ANGPT1: variants seen among roughly 807,000 people sequenced by gnomAD.
ANGPT1 encodes the protein angiopoietin 1, also known as angiopoietin-1.
Under a neutral mutation model 62.2 loss-of-function variants are expected in ANGPT1, and 17 were observed. The ratio of observed to expected loss-of-function variants is 0.27; its 90% CI spans 0.19 to 0.41. The LOEUF (loss-of-function observed/expected upper bound fraction) is 0.41. ANGPT1 is among the 10% of genes least tolerant of loss of function. The pLI, the probability that ANGPT1 is intolerant of heterozygous loss-of-function variation, is 1.00. For missense variants in ANGPT1, 478 were observed against 594.9 expected (o/e 0.80, Z 2.04); for synonymous variants, 199 against 198.9 (o/e 1.00, Z 0.00).
At chr8:107,266,044 A>C (rs951347806) in intron 7 of ANGPT1, among the ~76,000 whole-genome samples, 1 of 152,212 alleles carries the variant, frequency 6.6e-6, no homozygotes, top group African/African-American at 2.4e-5. Context: ...ACAGTAGTAC[A>C]AATAATCTTC....
intron 1 of ANGPT1, among the ~76,000 whole-genome samples, chr8:107,388,856 T>C (rs111711019): frequency 2.4e-3 from 366 of 152,306 alleles, no homozygotes; most frequent in African/African-American, 8.5e-3. Flanking sequence ...ACTCCTTTAA[T>C]TTCTTTGATA....
intron 1 of ANGPT1, among the ~76,000 whole-genome samples, chr8:107,391,493 C>T (rs555754337): frequency 6.6e-6 from 1 of 152,164 alleles, no homozygotes; most frequent in South Asian, 2.1e-4. Flanking sequence ...ATGGTGAAAC[C>T]CCGTCTATAC....
At chr8:107,437,961 C>G (rs1586322348) in intron 1 of ANGPT1, among the ~76,000 whole-genome samples, 1 of 152,126 alleles carries the variant, frequency 6.6e-6, no homozygotes, top group South Asian at 2.1e-4. Flanking sequence ...TGCTGCCCTC[C>G]AGTGCGCTGT....
chr8:107,484,976 C>A (rs1812778505), intron 1 of ANGPT1, among the ~76,000 whole-genome samples: 1 of 152,152 alleles, frequency 6.6e-6, no homozygotes, highest in African/African-American at 2.4e-5. Context: ...TGGAAGATGA[C>A]AAACATGGAG....
intron 1 of ANGPT1, among the ~76,000 whole-genome samples, chr8:107,352,793 C>A (rs1815960899): frequency 6.6e-6 from 1 of 152,016 alleles, no homozygotes; most frequent in African/African-American, 2.4e-5. Context: ...TGGCATTACT[C>A]AGTTATGACA....
At chr8:107,313,198 T>C (rs1586213614) in intron 4 of ANGPT1, among the ~76,000 whole-genome samples, 1 of 152,244 alleles carries the variant, frequency 6.6e-6, no homozygotes, top group East Asian at 1.9e-4. Flanking sequence ...TGACATTTGA[T>C]ATTACATTTG....
intron 1 of ANGPT1, among the ~76,000 whole-genome samples, chr8:107,367,113 T>C (rs981702438): frequency 6.6e-6 from 1 of 152,142 alleles, no homozygotes; most frequent in Non-Finnish European, 1.5e-5. Flanking sequence ...AGATGATAAA[T>C]ATTTGCTATT....
intron 7 of ANGPT1, among the ~76,000 whole-genome samples, 165 bp from the exon 8 acceptor site, chr8:107,264,516 C>G (rs984214807): frequency 6.6e-6 from 1 of 152,088 alleles, no homozygotes; most frequent in African/African-American, 2.4e-5. Context: ...ACCAAAAGAA[C>G]AAAGGAAGGA....
intron 1 of ANGPT1, among the ~76,000 whole-genome samples, chr8:107,465,644 C>T (rs1411767507): frequency 1.3e-5 from 2 of 152,100 alleles, no homozygotes; most frequent in Admixed American, 6.6e-5. Context: ...TTTAAACATA[C>T]ATCTTCGTTT....
chr8:107,350,900 A>G (rs1226372901), intron 1 of ANGPT1, among the ~76,000 whole-genome samples: 2 of 152,172 alleles, frequency 1.3e-5, no homozygotes. Flanking sequence ...CTGTAGATGT[A>G]TAACTGTGAA....
rs1451123507 is a variant in ANGPT1 at position 107,497,485 on chromosome 8, C to T, written c.74G>A (p.Ser25Asn). The change falls in exon 1 of 9, where the codon AGT becomes AAT. Residue 25 changes from serine (S) to asparagine (N), a missense_variant. Ser to Asn is a conservative substitution (Grantham distance 46). Coordinates refer to ENST00000517746, the MANE Select transcript of ANGPT1 (RefSeq NM_001146.5). ...ATATCTTCTCCCACTGTTTTCTGGA[C>T]TTCGGCGCTGATTGCTGCACCCTAT... ...THIGCSNQRRSPENSGRRYNR... is the reference protein window; with the variant it reads ...THIGCSNQRRNPENSGRRYNR... 1 of 1,614,148 alleles carries T rather than the reference C, an allele frequency of 6.2e-7. No individual in the cohort carries two copies. The highest frequency in any genetic ancestry group is 1.1e-5 in the South Asian group (1 of 91,080).
intron 1 of ANGPT1, among the ~76,000 whole-genome samples, chr8:107,380,844 T>A (rs1374231239): frequency 6.6e-6 from 1 of 152,164 alleles, no homozygotes; most frequent in East Asian, 1.9e-4. Context: ...ACAGAGAACC[T>A]TAAAGGACCC....
intron 1 of ANGPT1, among the ~76,000 whole-genome samples, chr8:107,417,047 C>T (rs1810770122): frequency 6.6e-6 from 1 of 152,024 alleles, no homozygotes; most frequent in South Asian, 2.1e-4. Context: ...CCTCAACCTC[C>T]CAAAGTGTGA....
At chr8:107,428,585 GT>G (rs1209406923) in intron 1 of ANGPT1, among the ~76,000 whole-genome samples, 1 of 151,584 alleles carries the variant, frequency 6.6e-6, no homozygotes, top group African/African-American at 2.4e-5. Flanking sequence ...TCTAATTTAG[GT>G]TTTTCTTGGT....
intron 5 of ANGPT1, among the ~76,000 whole-genome samples, chr8:107,298,349 T>C (rs985961853): frequency 4.0e-5 from 6 of 151,884 alleles, no homozygotes; most frequent in African/African-American, 1.4e-4. Flanking sequence ...TTTTTAATAT[T>C]TTACAATAAG....
intron 5 of ANGPT1, among the ~76,000 whole-genome samples, chr8:107,299,050 A>T (rs192072202): frequency 8.9e-4 from 135 of 151,730 alleles, no homozygotes; most frequent in African/African-American, 3.2e-3. Flanking sequence ...GAAGGTGAGA[A>T]TGAGGTGGGT....
At chr8:107,495,403 AT>A (rs750549846) in intron 1 of ANGPT1, among the ~76,000 whole-genome samples, 6 of 152,150 alleles carry the variant, frequency 3.9e-5, no homozygotes, top group Non-Finnish European at 7.4e-5. Flanking sequence ...CAAGAATCAA[AT>A]TTATTTTGCA....
chr8:107,260,765 A>C (rs1475464791), intron 8 of ANGPT1, among the ~76,000 whole-genome samples: 1 of 152,356 alleles, frequency 6.6e-6, no homozygotes, highest in South Asian at 2.1e-4. Flanking sequence ...ATTTACTTAG[A>C]CTATTCCAGC....
chr8:107,478,637 A>G (rs1314865141), intron 1 of ANGPT1, among the ~76,000 whole-genome samples: 1 of 152,190 alleles, frequency 6.6e-6, no homozygotes, highest in African/African-American at 2.4e-5. Flanking sequence ...AAAAGAGAAA[A>G]TGTTTAAAAC....
Sources: gnomAD v4.1 joint callset for allele counts (sites outside exome capture counted in the v4.1 genomes callset) on GRCh38, gnomAD v4.1.1 for gene constraint, MANE v1.5 for transcripts, NCBI Gene and HGNC (gene_info 2026-07-23, HGNC 2026-07-21) for gene names.